DPP6: variants seen among roughly 807,000 people sequenced by gnomAD.
The protein encoded by DPP6 is dipeptidyl peptidase like 6, also known as A-type potassium channel modulatory protein DPP6.
DPP6 carries 69 observed loss-of-function variants against 122.6 expected under a neutral mutation model. That is an observed-to-expected ratio of 0.56 (90% confidence interval 0.46 to 0.69). The LOEUF (loss-of-function observed/expected upper bound fraction) is 0.69, where lower values mean the gene tolerates loss of function less well. Ranked by LOEUF, DPP6 falls within the 30% of genes least tolerant of loss-of-function variation. DPP6 has a pLI of 0.00. For synonymous variants in DPP6, 418 were observed against 433.1 expected (o/e 0.97, Z 0.43); for missense variants, 928 against 1,116.9 (o/e 0.83, Z 2.41).
chr7:154,364,068 T>A (rs1811957652), intron 1 of DPP6, among the ~76,000 whole-genome samples: 1 of 152,134 alleles, frequency 6.6e-6, no homozygotes, highest in Non-Finnish European at 1.5e-5. Flanking sequence ...CGTGCCCTGG[T>A]CTTACCTCAA....
chr7:153,956,662 A>G (rs1181730211), intron 1 of DPP6, among the ~76,000 whole-genome samples: 1 of 152,174 alleles, frequency 6.6e-6, no homozygotes, highest in South Asian at 2.1e-4. Flanking sequence ...TAAGAGGACC[A>G]GTCTTTTGCG....
intron 1 of DPP6, among the ~76,000 whole-genome samples, chr7:153,912,823 G>GCCCCA: frequency 6.6e-6 from 1 of 152,258 alleles, no homozygotes; most frequent in South Asian, 2.1e-4. Flanking sequence ...GCCCCACACA[G>GCCCCA]CAGGTAATCT....
intron 8 of DPP6, among the ~76,000 whole-genome samples, chr7:154,750,988 G>C (rs146616744): frequency 4.8e-4 from 73 of 152,342 alleles, no homozygotes; most frequent in African/African-American, 1.7e-3. Flanking sequence ...ATCTGGGTCA[G>C]AATCCCGGAT....
intron 3 of DPP6, among the ~76,000 whole-genome samples, chr7:154,524,864 C>T (rs1211537113): frequency 6.6e-6 from 1 of 152,060 alleles, no homozygotes; most frequent in Non-Finnish European, 1.5e-5. Context: ...ACTTGTCTCC[C>T]CCACTGGTCT....
the DPP6 span, among the ~76,000 whole-genome samples, chr7:153,838,773 G>A: frequency 6.6e-6 from 1 of 152,152 alleles, no homozygotes; most frequent in Admixed American, 6.5e-5. Context: ...AATCACATTT[G>A]GCCTGCAGCT....
chr7:154,084,729 C>A (rs1804260338), intron 1 of DPP6, among the ~76,000 whole-genome samples: 1 of 145,092 alleles, frequency 6.9e-6, no homozygotes, highest in African/African-American at 2.6e-5. Flanking sequence ...TTGGCTCACG[C>A]CTGTAATCCC....
At chr7:153,754,583 C>A in the DPP6 span, among the ~76,000 whole-genome samples, 3 of 152,104 alleles carry the variant, frequency 2.0e-5, no homozygotes, top group East Asian at 5.8e-4. Context: ...TTAAATGCAC[C>A]ATCTTTGGGA....
chr7:154,573,234 T>C (rs1452726169), intron 5 of DPP6, among the ~76,000 whole-genome samples: 2 of 152,134 alleles, frequency 1.3e-5, no homozygotes, highest in South Asian at 2.1e-4. Flanking sequence ...GCCTTGCACA[T>C]TCTCATGTGT....
At chr7:153,988,360 A>T (rs1225319177) in intron 1 of DPP6, among the ~76,000 whole-genome samples, 3 of 45,328 alleles carry the variant, frequency 6.6e-5, no homozygotes, top group Non-Finnish European at 1.4e-4. Flanking sequence ...GCGACCCATC[A>T]GAAAGTGGAT....
chr7:154,518,207 C>T (rs1176025321), intron 3 of DPP6, among the ~76,000 whole-genome samples: 1 of 152,146 alleles, frequency 6.6e-6, no homozygotes, highest in Non-Finnish European at 1.5e-5. Context: ...AATTATGATT[C>T]AGATCAATTT....
At chr7:154,091,042 A>G (rs1422691802) in intron 1 of DPP6, among the ~76,000 whole-genome samples, 1 of 150,896 alleles carries the variant, frequency 6.6e-6, no homozygotes, top group Admixed American at 6.6e-5. Flanking sequence ...AATGGTGTGA[A>G]CCCAGGAGGT....
At chr7:154,494,034 T>G (rs1455048929) in intron 3 of DPP6, among the ~76,000 whole-genome samples, 1 of 152,142 alleles carries the variant, frequency 6.6e-6, no homozygotes, top group Non-Finnish European at 1.5e-5. Context: ...AACTAGAAAT[T>G]TTTGTGTGTG....
chr7:154,743,951 G>A (rs1842927882), intron 8 of DPP6, among the ~76,000 whole-genome samples: 1 of 152,200 alleles, frequency 6.6e-6, no homozygotes, highest in Non-Finnish European at 1.5e-5. Context: ...GACCCACGCA[G>A]TTCAAACCTA....
intron 4 of DPP6, among the ~76,000 whole-genome samples, chr7:154,550,655 A>G (rs548391137): frequency 6.6e-6 from 1 of 152,144 alleles, no homozygotes; most frequent in African/African-American, 2.4e-5. Context: ...CCAGGTAGAC[A>G]TAACATATAA....
intron 1 of DPP6, among the ~76,000 whole-genome samples, chr7:154,348,737 A>G (rs1295302857): frequency 6.6e-6 from 1 of 152,220 alleles, no homozygotes; most frequent in Non-Finnish European, 1.5e-5. Flanking sequence ...GTGGAGGCTT[A>G]AAAAAGGACT....
Position 153,949,135 on chromosome 7 carries a change from G to A in DPP6, c.51+61401G>A, listed in dbSNP as rs148998123. Among the ~76,000 whole-genome samples the A allele has an allele frequency of 2.5e-3, 378 of 152,308 alleles. 4 individuals carry two copies. Among genetic ancestry groups the A allele is most frequent in the African/African-American group, 8.9e-3 (369 of 41,572 alleles). ...TGGGGTGGTCTCTGCCCGGAGCATC[G>A]GCATGAGCCGCACTGCAGTGGAGTG... On this transcript the variant is annotated intron_variant, in intron 1 of 25. Coordinates refer to the DPP6 transcript ENST00000404039.
chr7:154,197,276 C>G (rs375943408), intron 1 of DPP6, among the ~76,000 whole-genome samples: 34 of 151,942 alleles, frequency 2.2e-4, no homozygotes, highest in East Asian at 1.2e-3. Flanking sequence ...ATGATTTATT[C>G]AGAGAAATAA....
chr7:154,194,539 C>T (rs1798769387), intron 1 of DPP6, among the ~76,000 whole-genome samples: 1 of 152,198 alleles, frequency 6.6e-6, no homozygotes, highest in Non-Finnish European at 1.5e-5. Context: ...TGACACCTCA[C>T]CTCGCTCCTC....
rs1172756982 is a variant in DPP6, at chr7:154,301,813, TG to T, written c.244-144400del. Among the ~76,000 whole-genome samples, 207 of 48,222 alleles carry T rather than the reference TG, an allele frequency of 4.3e-3. 32 individuals carry two copies. The highest frequency in any genetic ancestry group is 0.033 in the African/African-American group (163 of 4,916). The allele number at this position is 48,222 out of a possible 152,430, so 31.6% of individuals were successfully genotyped here. On this transcript the variant is annotated intron_variant, in intron 1 of 25. Transcript: ENST00000377770. Reference sequence around the variant, plus strand: ...TTTTTTTTTTTTTTTTTTTTTTTTTTGTTGGAGACAGAGCTCTCACCCGGGC... The same window carrying T: ...TTTTTTTTTTTTTTTTTTTTTTTTTTTTGGAGACAGAGCTCTCACCCGGGC...
Sources: gnomAD v4.1 joint callset for allele counts (sites outside exome capture counted in the v4.1 genomes callset) on GRCh38, gnomAD v4.1.1 for gene constraint, MANE v1.5 for transcripts, NCBI Gene and HGNC (gene_info 2026-07-23, HGNC 2026-07-21) for gene names.